Variants in PLEKHO1 observed in about 807,000 individuals in gnomAD.
PLEKHO1 encodes pleckstrin homology domain-containing family O member 1.
In PLEKHO1, 22 loss-of-function variants were observed where a neutral mutation model predicts 41.4. The ratio of observed to expected loss-of-function variants is 0.53; its 90% CI spans 0.38 to 0.76. PLEKHO1 has a LOEUF of 0.76. Ranked by LOEUF, PLEKHO1 falls within the 30% of genes least tolerant of loss-of-function variation. PLEKHO1 has a pLI of 0.00. For missense variants in PLEKHO1, 488 were observed against 518.3 expected (o/e 0.94, Z 0.57); for synonymous variants, 225 against 210.8 (o/e 1.07, Z -0.58).
Position 150,157,030 on chromosome 1 carries a change from T to C in PLEKHO1, c.423+15T>C, listed in dbSNP as rs782616485. The C allele has an allele frequency of 1.3e-6, 2 of 1,520,162 alleles. No homozygotes were observed. Among genetic ancestry groups the C allele is most frequent in the Admixed American group, 3.3e-5 (2 of 59,894 alleles). The allele number at this position is 1,520,162 out of a possible 1,614,324, so 94.2% of individuals were successfully genotyped here. A position where few individuals can be genotyped will look rare whatever the true frequency, so the allele number is the denominator to read the frequency against. Reference sequence around the variant, plus strand: ...TCTTGGATGAGGTCAGGGGGCTCACTGTGGGGAGAGGGAGGAACGCTGGGG... The same window carrying C: ...TCTTGGATGAGGTCAGGGGGCTCACCGTGGGGAGAGGGAGGAACGCTGGGG... On this transcript the variant is annotated intron_variant, in intron 4 of 5. Transcript: ENST00000369124.
intron 3 of PLEKHO1, 30 bp downstream of exon 3, chr1:150,156,236 G>T (rs1553820407): frequency 6.9e-6 from 11 of 1,605,474 alleles, no homozygotes; most frequent in Non-Finnish European, 8.5e-6. Context: ...TTGGCTGCTG[G>T]AACATGGACA....
At position 150,156,207 on chromosome 1, in the gene PLEKHO1, G is replaced by A. The variant is rs1553820385; in HGVS notation, c.318+1G>A. 1 of 1,613,020 alleles carries A rather than the reference G, an allele frequency of 6.2e-7. No homozygotes were observed. Among genetic ancestry groups the A allele is most frequent in the Admixed American group, 1.7e-5 (1 of 59,948 alleles). ...CCACTCCAAACAGCCCGGTAACACG[G>A]TATGTTTCTCCTGCCACCTTGGCTG... On this transcript the variant is annotated splice_donor_variant, in intron 3 of 5. Coordinates refer to ENST00000369124, the MANE Select transcript of PLEKHO1 (RefSeq NM_016274.6). LOFTEE classifies it high-confidence loss of function.
chr1:150,149,716 C>A (rs1553817921), upstream of PLEKHO1: 1 of 152,078 alleles, frequency 6.6e-6, no homozygotes, highest in Non-Finnish European at 1.5e-5. Context: ...CCCGAGCCGC[C>A]GCCGGAGCGA....
At position 150,150,849 on chromosome 1, in the gene PLEKHO1, G is replaced by A. The variant is rs587601627; in HGVS notation, c.31-63G>A. 1.1e-4 allele frequency: 171 copies of A among 1,511,210 alleles called. 3 individuals are homozygous for A. In the South Asian group the frequency reaches 1.7e-3, roughly 15 times the overall value. 93.6% of individuals were successfully genotyped at this position (1,511,210 alleles called of 1,614,324 possible). A position where few individuals can be genotyped will look rare whatever the true frequency, so the allele number is the denominator to read the frequency against. On this transcript the variant is annotated intron_variant, in intron 1 of 5. Coordinates refer to ENST00000369124, the MANE Select transcript of PLEKHO1 (RefSeq NM_016274.6). ...GCCGCCGAGGCGGTCGTGAGAGACG[G>A]ACGGAGAGGAAGCGCCGGCTGGAAT...
intron 2 of PLEKHO1, chr1:150,152,898 T>C (rs782781193): frequency 1.3e-5 from 2 of 152,104 alleles, no homozygotes; most frequent in Non-Finnish European, 2.9e-5. Context: ...AAAAGCGTAG[T>C]TGATCCTTGC....
intron 2 of PLEKHO1, chr1:150,152,806 G>T (rs797034198): frequency 6.6e-5 from 10 of 150,978 alleles, no homozygotes; most frequent in African/African-American, 2.4e-4. Context: ...ACATCAAAGA[G>T]AAAAACATAA....
intron 4 of PLEKHO1, 148 bp downstream of exon 4, chr1:150,157,163 C>A: frequency 1.4e-6 from 1 of 696,786 alleles, no homozygotes; most frequent in South Asian, 1.6e-5. Context: ...GCCCTGATCT[C>A]TTTCTACCTT....
chr1:150,150,841 G>C (rs1436450897), intron 1 of PLEKHO1, 71 bp from the exon 2 acceptor site: 1 of 1,457,140 alleles, frequency 6.9e-7, no homozygotes, highest in Non-Finnish European at 9.5e-7. Flanking sequence ...AGGCGGTCGT[G>C]AGAGACGGAC....
At chr1:150,151,543 C>T (rs1659929481) in intron 2 of PLEKHO1, among the ~76,000 whole-genome samples, 1 of 152,204 alleles carries the variant, frequency 6.6e-6, no homozygotes, top group South Asian at 2.1e-4. Context: ...ACGCACCCCG[C>T]CGTCAGGCCC....
At chr1:150,152,732 C>G (rs1288904773) in intron 2 of PLEKHO1, 1 of 138,798 alleles carries the variant, frequency 7.2e-6, no homozygotes, top group Non-Finnish European at 1.5e-5. Context: ...AAGTGTATCT[C>G]CTGTCTTCCC....
rs1553821839 is a variant in PLEKHO1, at chr1:150,159,799, A to G, written c.*276A>G. On this transcript the variant is annotated 3_prime_UTR_variant, in exon 6 of 6. Coordinates refer to ENST00000369124, the MANE Select transcript of PLEKHO1 (RefSeq NM_016274.6). ...GGCACGGTAAAGACACAGTCTGACC[A>G]CTCCACACACCGCCCGCCCCCAAGA... 3.2e-6 allele frequency: 1 copy of G among 316,032 alleles called. No individual in the cohort carries two copies. The highest frequency in any genetic ancestry group is 5.9e-6 in the Non-Finnish European group (1 of 169,380). The allele number at this position is 316,032 out of a possible 1,614,324, so 19.6% of individuals were successfully genotyped here.
In PLEKHO1 at chr1:150,150,249, C is replaced by A; in HGVS notation, c.-9C>A. The A allele has an allele frequency of 9.1e-7, 1 of 1,092,904 alleles. No homozygotes were observed. The highest frequency in any genetic ancestry group is 1.1e-6 in the Non-Finnish European group (1 of 893,944). The allele number at this position is 1,092,904 out of a possible 1,614,324, so 67.7% of individuals were successfully genotyped here. ...TCGGCTCGCCGCCCCGCGCCCGCGC[C>A]CGCTGGGAATGATGAAGAAGAACAA... On this transcript the variant is annotated 5_prime_UTR_variant, in exon 1 of 6. Transcript: ENST00000369124.
intron 2 of PLEKHO1, chr1:150,155,022 T>C (rs587617015): frequency 1.3e-5 from 2 of 152,294 alleles, no homozygotes; most frequent in African/African-American, 4.8e-5. Context: ...TGCGAAGAAA[T>C]GTTCCTAGAG....
intron 2 of PLEKHO1, among the ~76,000 whole-genome samples, chr1:150,151,269 GTTT>G (rs1659917012): frequency 6.6e-6 from 1 of 152,166 alleles, no homozygotes; most frequent in Admixed American, 6.5e-5. Context: ...CTTACTCAGT[GTTT>G]TTTTGTTTGC....
rs1553821372 is a variant in PLEKHO1 at position 150,159,132 on chromosome 1, A to T, written c.839A>T (p.Asp280Val). The T allele has an allele frequency of 1.2e-6, 2 of 1,612,174 alleles. No homozygotes were observed. Among genetic ancestry groups the T allele is most frequent in the South Asian group, 1.1e-5 (1 of 91,002 alleles). ...ASLEEILSQRDAASARTLQLR... is the reference protein window; with the variant it reads ...ASLEEILSQRVAASARTLQLR... ...CTGGAGGAGATCCTATCTCAGCGGG[A>T]TGCTGCCTCTGCCCGCACCCTCCAG... Residue 280 changes from aspartate to valine, a missense_variant, in exon 6 of 6, where the codon GAT (aspartate) becomes GTT (valine). Asp to Val is a radical substitution (Grantham distance 152). Transcript: ENST00000369124.
At chr1:150,155,711 A>G (rs1242034161) in intron 2 of PLEKHO1, 5 of 178,564 alleles carry the variant, frequency 2.8e-5, no homozygotes, top group South Asian at 2.8e-4. Flanking sequence ...ACCATCTACC[A>G]TGTCCCTTTA....
chr1:150,159,056 C>G lies in PLEKHO1; in HGVS notation c.763C>G (p.Pro255Ala). Residue 255 changes from proline (P) to alanine (A), a missense_variant, in exon 6 of 6, where the codon CCC becomes GCC. Pro to Ala is a conservative substitution (Grantham distance 27). Coordinates refer to ENST00000369124, the MANE Select transcript of PLEKHO1 (RefSeq NM_016274.6). ...EKTDKGATYTPQAPKKLTPTE... is the reference protein window; with the variant it reads ...EKTDKGATYTAQAPKKLTPTE... ...AACAGACAAAGGGGCCACCTACACCCCCCAGGCACCCAAGAAGTTGACGCC... is the reference window on the plus strand; with the variant it reads ...AACAGACAAAGGGGCCACCTACACCGCCCAGGCACCCAAGAAGTTGACGCC... 2 of 1,614,104 alleles carry G rather than the reference C, an allele frequency of 1.2e-6. No individual in the cohort carries two copies. The highest frequency in any genetic ancestry group is 1.7e-6 in the Non-Finnish European group (2 of 1,179,978).
At position 150,159,248 on chromosome 1, in the gene PLEKHO1, A is replaced by C. The variant is rs782348917; in HGVS notation, c.955A>C (p.Thr319Pro). The change falls in exon 6 of 6, where the codon ACT becomes CCT. Residue 319 changes from threonine (T) to proline (P), a missense_variant. By Grantham distance (38) the Thr-to-Pro change is conservative (BLOSUM62 -1). This residue lies in a region of PLEKHO1 where 337 missense variants were observed against 324.6 expected (regional missense o/e 1.04). Transcript: ENST00000369124. ...QDLVARKLEETQELLAEVQGL... is the reference protein window; with the variant it reads ...QDLVARKLEEPQELLAEVQGL... Reference sequence around the variant, plus strand: ...CCTGGTAGCAAGGAAACTGGAGGAGACTCAGGAGCTTCTGGCAGAGGTTCA... The same window carrying C: ...CCTGGTAGCAAGGAAACTGGAGGAGCCTCAGGAGCTTCTGGCAGAGGTTCA... The C allele has an allele frequency of 1.2e-6, 2 of 1,613,994 alleles. No homozygotes were observed. Among genetic ancestry groups the C allele is most frequent in the Non-Finnish European group, 1.7e-6 (2 of 1,179,960 alleles).
chr1:150,157,320 C>T (rs1660213479), intron 4 of PLEKHO1, 65 bp from the exon 5 acceptor site: 7 of 1,217,940 alleles, frequency 5.7e-6, no homozygotes, highest in East Asian at 2.3e-5. Context: ...GTTCAGGCCT[C>T]GGGATGCTGG....
Sources: allele counts gnomAD v4.1 joint callset (sites outside exome capture counted in the v4.1 genomes callset), GRCh38; gene constraint gnomAD v4.1.1; regional missense constraint gnomAD v4.1.1; transcripts MANE v1.5; gene names NCBI Gene and HGNC (gene_info 2026-07-23, HGNC 2026-07-21).